The following RASGRP1 variants were observed in gnomAD, a reference collection of about 807,000 sequenced individuals.
The protein encoded by RASGRP1 is RAS guanyl releasing protein 1.
RASGRP1 carries 37 observed loss-of-function variants against 95.1 expected under a neutral mutation model. That is an observed-to-expected ratio of 0.39 (90% confidence interval 0.30 to 0.51). The LOEUF is 0.51. Ranked by LOEUF, RASGRP1 falls within the 20% of genes least tolerant of loss-of-function variation. RASGRP1 has a pLI of 0.80. For synonymous variants in RASGRP1, 325 were observed against 353.4 expected (o/e 0.92, Z 0.90); for missense variants, 711 against 965.4 (o/e 0.74, Z 3.49).
intron 3 of RASGRP1, among the ~76,000 whole-genome samples, chr15:38,522,092 C>T (rs2141133067): frequency 6.6e-6 from 1 of 152,214 alleles, no homozygotes; most frequent in Middle Eastern, 3.4e-3. Context: ...TTATTGTGTC[C>T]TACCATGAAA....
intron 2 of RASGRP1, among the ~76,000 whole-genome samples, chr15:38,547,623 G>A (rs1378120100): frequency 6.6e-6 from 1 of 152,088 alleles, no homozygotes; most frequent in Non-Finnish European, 1.5e-5. Context: ...CTCAAACTAA[G>A]ACAATCTTGT....
intron 2 of RASGRP1, among the ~76,000 whole-genome samples, chr15:38,536,478 A>G (rs1258510067): frequency 6.6e-6 from 1 of 152,242 alleles, no homozygotes; most frequent in Non-Finnish European, 1.5e-5. Context: ...CCTTTTTTGC[A>G]TATTTTCAGA....
intron 2 of RASGRP1, among the ~76,000 whole-genome samples, chr15:38,539,713 C>T (rs1474695800): frequency 6.6e-6 from 1 of 152,034 alleles, no homozygotes; most frequent in Non-Finnish European, 1.5e-5. Context: ...CAATGCTATC[C>T]CTCCCCGCTC....
At chr15:38,490,985 C>T (rs754735596) in intron 16 of RASGRP1, among the ~76,000 whole-genome samples, 18 of 152,106 alleles carry the variant, frequency 1.2e-4, no homozygotes, top group African/African-American at 1.9e-4. Flanking sequence ...TGTTTTCTCG[C>T]GGGAGATCTC....
At chr15:38,512,082 T>C (rs1382690068) in intron 7 of RASGRP1, among the ~76,000 whole-genome samples, 1 of 152,226 alleles carries the variant, frequency 6.6e-6, no homozygotes, top group Non-Finnish European at 1.5e-5. Context: ...ACTTTTAATA[T>C]ACCTTTAGTT....
intron 2 of RASGRP1, 146 bp downstream of exon 2, chr15:38,559,675 C>G (rs865824356): frequency 1.2e-6 from 1 of 821,934 alleles, no homozygotes; most frequent in Middle Eastern, 2.8e-4. Flanking sequence ...GCCATAGGCT[C>G]TGCAGACTGT....
At chr15:38,535,615 ACT>A (rs1242118707) in intron 2 of RASGRP1, among the ~76,000 whole-genome samples, 2 of 151,892 alleles carry the variant, frequency 1.3e-5, no homozygotes, top group Admixed American at 6.6e-5. Context: ...CAGCAGAAGC[ACT>A]CTCTACTGCC....
In RASGRP1 at chr15:38,499,408, A is replaced by C. The variant is rs537877833; in HGVS notation, c.1721-462T>G. 1.2e-4 allele frequency among the ~76,000 whole-genome samples: 18 copies of C among 152,326 alleles called. No homozygotes were observed. In the East Asian group the frequency reaches 3.3e-3, roughly 28 times the overall value. ...GTAATCATTTATCTTCTGTTGCAGAAGAGATTCTATCTTTTTCACTGGGGA... is the reference window on the plus strand; with the variant it reads ...GTAATCATTTATCTTCTGTTGCAGACGAGATTCTATCTTTTTCACTGGGGA... On this transcript the variant is annotated intron_variant, in intron 14 of 16. Transcript: ENST00000310803.
At chr15:38,554,660 A>T (rs571444033) in intron 2 of RASGRP1, among the ~76,000 whole-genome samples, 2 of 152,332 alleles carry the variant, frequency 1.3e-5, no homozygotes, top group South Asian at 4.1e-4. Flanking sequence ...CTCATCAAAG[A>T]TGCAGCAAAG....
At chr15:38,536,648 C>T (rs966660413) in intron 2 of RASGRP1, among the ~76,000 whole-genome samples, 1 of 152,146 alleles carries the variant, frequency 6.6e-6, no homozygotes, top group African/African-American at 2.4e-5. Flanking sequence ...GACCCACAAG[C>T]CTAGATAATA....
intron 2 of RASGRP1, among the ~76,000 whole-genome samples, chr15:38,542,824 C>CATAT (rs199735634): frequency 1.0e-5 from 1 of 97,394 alleles, no homozygotes; most frequent in Non-Finnish European, 2.0e-5. Flanking sequence ...CAGATATATA[C>CATAT]ATATATATGT....
At chr15:38,535,819 A>G (rs1323401174) in intron 2 of RASGRP1, among the ~76,000 whole-genome samples, 1 of 152,242 alleles carries the variant, frequency 6.6e-6, no homozygotes, top group Non-Finnish European at 1.5e-5. Flanking sequence ...TGAGCAAGAC[A>G]GCTGGCCTTC....
chr15:38,526,571 T>C (rs1222948147), intron 2 of RASGRP1, among the ~76,000 whole-genome samples, 167 bp from the exon 3 acceptor site: 2 of 152,166 alleles, frequency 1.3e-5, no homozygotes, highest in African/African-American at 4.8e-5. Flanking sequence ...TCCTGCTACA[T>C]TCTTCCCTTG....
intron 3 of RASGRP1, among the ~76,000 whole-genome samples, chr15:38,524,970 CTTTT>C (rs5812043): frequency 7.1e-6 from 1 of 140,926 alleles, no homozygotes. Flanking sequence ...AATTTTCTTT[CTTTT>C]TTTTTTTTTT....
intron 4 of RASGRP1, 127 bp from the exon 5 acceptor site, chr15:38,518,550 A>T: frequency 3.0e-6 from 3 of 993,994 alleles, no homozygotes; most frequent in Non-Finnish European, 4.4e-6. Flanking sequence ...TTCGTCTATT[A>T]GTATATTGAA....
At position 38,548,115 on chromosome 15, in the gene RASGRP1, T is replaced by C. The variant is rs1051526283; in HGVS notation, c.220+11706A>G. On this transcript the variant is annotated intron_variant, in intron 2 of 16. Transcript: ENST00000310803. Reference sequence around the variant, plus strand: ...TGATGTGTAACCAAAGTAACCATTTTCATTCTTTATTTTCCTCTCCCTTCT... The same window carrying C: ...TGATGTGTAACCAAAGTAACCATTTCCATTCTTTATTTTCCTCTCCCTTCT... 2.0e-5 allele frequency among the ~76,000 whole-genome samples: 3 copies of C among 152,158 alleles called. No homozygotes were observed. In the East Asian group the frequency reaches 5.8e-4, roughly 29 times the overall value.
chr15:38,553,019 C>T (rs927353775), intron 2 of RASGRP1, among the ~76,000 whole-genome samples: 3 of 152,150 alleles, frequency 2.0e-5, no homozygotes, highest in Admixed American at 6.6e-5. Flanking sequence ...AAATGATGGT[C>T]CCTTATTCAA....
At chr15:38,551,495 T>C (rs1031765096) in intron 2 of RASGRP1, among the ~76,000 whole-genome samples, 26 of 152,216 alleles carry the variant, frequency 1.7e-4, no homozygotes, top group African/African-American at 4.8e-4. Context: ...CAAGCTTGTA[T>C]TGATCATCCA....
At chr15:38,494,317 C>G (rs771334811) in intron 16 of RASGRP1, 65 bp downstream of exon 16, 3 of 1,573,858 alleles carry the variant, frequency 1.9e-6, no homozygotes, top group Non-Finnish European at 2.6e-6. Context: ...TCCACATGCT[C>G]TTTCCTGGTT....
Sources: allele counts gnomAD v4.1 joint callset (sites outside exome capture counted in the v4.1 genomes callset), GRCh38; gene constraint gnomAD v4.1.1; transcripts MANE v1.5; gene names NCBI Gene and HGNC (gene_info 2026-07-23, HGNC 2026-07-21).